CTH: variants seen among roughly 807,000 people sequenced by gnomAD.
CTH encodes the protein cystathionase (cystathionine gamma-lyase).
Under a neutral mutation model 50.6 loss-of-function variants are expected in CTH, and 41 were observed. The ratio of observed to expected loss-of-function variants is 0.81; its 90% confidence interval spans 0.63 to 1.05. The LOEUF (loss-of-function observed/expected upper bound fraction) is 1.05. CTH is among the 50% of genes least tolerant of loss of function. The probability of loss-of-function intolerance (pLI) is 0.00; values close to 1 mark genes in which losing one functional copy is unlikely to be tolerated. For missense variants in CTH, 470 were observed against 492.6 expected (o/e 0.95, Z 0.43); for synonymous variants, 156 against 168.9 (o/e 0.92, Z 0.59).
intron 5 of CTH, among the ~76,000 whole-genome samples, chr1:70,426,962 C>A (rs1170675336): frequency 6.6e-6 from 1 of 152,154 alleles, no homozygotes; most frequent in Non-Finnish European, 1.5e-5. Context: ...TAACATAGGT[C>A]TAGTTTTTCT....
chr1:70,437,606 C>T (rs1684624970), intron 10 of CTH, among the ~76,000 whole-genome samples: 1 of 152,108 alleles, frequency 6.6e-6, no homozygotes, highest in South Asian at 2.1e-4. Flanking sequence ...GACCTGAGTT[C>T]TTATTTCTAC....
chr1:70,420,703 G>C (rs1034719188), intron 3 of CTH, among the ~76,000 whole-genome samples: 1 of 152,012 alleles, frequency 6.6e-6, no homozygotes, highest in Non-Finnish European at 1.5e-5. Flanking sequence ...ACAATGTTTC[G>C]TATTTTATCT....
intron 1 of CTH, among the ~76,000 whole-genome samples, 171 bp from the exon 2 acceptor site, chr1:70,415,785 A>G (rs1684077338): frequency 6.6e-6 from 1 of 152,232 alleles, no homozygotes; most frequent in Non-Finnish European, 1.5e-5. Flanking sequence ...GTTTGACTTC[A>G]GAGCATCTTG....
At position 70,435,031 on chromosome 1, in the gene CTH, A is replaced by G. The variant is rs375488005; in HGVS notation, c.1000-94A>G. 7 of 1,190,836 alleles carry G rather than the reference A, an allele frequency of 5.9e-6. No individual in the cohort carries two copies. The East Asian group carries it at 1.6e-4, about 27-fold the overall frequency. 73.8% of individuals were successfully genotyped at this position (1,190,836 alleles called of 1,614,324 possible). On this transcript the variant is annotated intron_variant, in intron 9 of 11. Transcript: ENST00000370938. ...CTCCCAAAGTGCTGGGATTACAGGC[A>G]TGAGCCACTGTGCCTGGCCTAAAAA...
Position 70,439,429 on chromosome 1 carries a change from T to G in CTH, c.*302T>G, listed in dbSNP as rs1684671365. 1 of 368,560 alleles carries G rather than the reference T, an allele frequency of 2.7e-6. No homozygotes were observed. Among genetic ancestry groups the G allele is most frequent in the Non-Finnish European group, 4.9e-6 (1 of 202,410 alleles). 22.8% of individuals were successfully genotyped at this position (368,560 alleles called of 1,614,324 possible). A position where few individuals can be genotyped will look rare whatever the true frequency, so the allele number is the denominator to read the frequency against. ...ATGTTCTTTTTTCATGTCTAAGATT[T>G]ATTTTGATCATGTTTATAATATAAT... On this transcript the variant is annotated 3_prime_UTR_variant, in exon 12 of 12. Coordinates refer to ENST00000370938, the MANE Select transcript of CTH (RefSeq NM_001902.6).
At chr1:70,427,429 G>A (rs370366936) in intron 5 of CTH, among the ~76,000 whole-genome samples, 1 of 152,162 alleles carries the variant, frequency 6.6e-6, no homozygotes, top group South Asian at 2.1e-4. Flanking sequence ...TATAAAGTAC[G>A]TAGCATGATT....
At chr1:70,437,939 A>G (rs1684632173) in intron 10 of CTH, among the ~76,000 whole-genome samples, 1 of 152,096 alleles carries the variant, frequency 6.6e-6, no homozygotes, top group African/African-American at 2.4e-5. Flanking sequence ...TTTTGTCTAT[A>G]CTTGTTTGGC....
At chr1:70,429,006 A>G (rs1684408046) in intron 5 of CTH, among the ~76,000 whole-genome samples, 1 of 152,028 alleles carries the variant, frequency 6.6e-6, no homozygotes, top group East Asian at 1.9e-4. Context: ...CTGCAGCCTG[A>G]AACTCCTGAT....
At chr1:70,420,416 C>A (rs1684189573) in intron 3 of CTH, among the ~76,000 whole-genome samples, 1 of 152,134 alleles carries the variant, frequency 6.6e-6, no homozygotes, top group Non-Finnish European at 1.5e-5. Flanking sequence ...CAATCTAGAT[C>A]CCTCGAAAGT....
At chr1:70,438,564 AG>A in intron 10 of CTH, 123 bp from the exon 11 acceptor site, 1 of 981,864 alleles carries the variant, frequency 1.0e-6, no homozygotes. Flanking sequence ...TGTGAATTAT[AG>A]GGGTATGCAA....
At position 70,421,101 on chromosome 1, in the gene CTH, T is replaced by C. The variant is rs138466200; in HGVS notation, c.347-465T>C. On this transcript the variant is annotated intron_variant, in intron 3 of 11. Coordinates refer to ENST00000370938, the MANE Select transcript of CTH (RefSeq NM_001902.6). ...GATTTATATTGTCTCATTTTATCGA[T>C]TAAAACTTTCAGAACTACATAACAA... Among the ~76,000 whole-genome samples, 1,405 of 152,314 alleles carry C rather than the reference T, an allele frequency of 9.2e-3. 14 individuals carry two copies. The highest frequency in any genetic ancestry group is 0.014 in the Middle Eastern group (4 of 294).
intron 3 of CTH, among the ~76,000 whole-genome samples, chr1:70,418,979 C>A (rs1201114953): frequency 8.7e-6 from 1 of 115,218 alleles, no homozygotes; most frequent in African/African-American, 3.3e-5. Context: ...CCCCCCTCCC[C>A]CCACCCCACA....
chr1:70,436,436 C>A (rs1409850325), intron 10 of CTH, among the ~76,000 whole-genome samples: 3 of 152,134 alleles, frequency 2.0e-5, no homozygotes, highest in African/African-American at 7.2e-5. Context: ...GCTACTATGA[C>A]CATATGTTGT....
Position 70,438,709 on chromosome 1 carries a change from A to G in CTH, c.1074A>G (p.Ser358=). ...TCAGGGCAATCATGACTCATGCATC[A>G]GTTCTTAAGAATGACAGAGATGTCC... ...AELPAIMTHA[S]VLKNDRDVLG... Residue 358 remains serine (S), a synonymous_variant, in exon 11 of 12, where the codon TCA becomes TCG. Coordinates refer to ENST00000370938, the MANE Select transcript of CTH (RefSeq NM_001902.6). 1 of 1,614,138 alleles carries G rather than the reference A, an allele frequency of 6.2e-7. No homozygotes were observed. Among genetic ancestry groups the G allele is most frequent in the South Asian group, 1.1e-5 (1 of 91,082 alleles).
intron 3 of CTH, among the ~76,000 whole-genome samples, chr1:70,418,500 C>A (rs1684144194): frequency 6.6e-6 from 1 of 152,126 alleles, no homozygotes; most frequent in East Asian, 1.9e-4. Flanking sequence ...TCCTCCCTCT[C>A]CAGCCTCCCA....
At chr1:70,422,241 T>C (rs544484565) in intron 4 of CTH, among the ~76,000 whole-genome samples, 49 of 152,176 alleles carry the variant, frequency 3.2e-4, no homozygotes, top group Non-Finnish European at 6.2e-4. Context: ...ATGTGGAGAA[T>C]AGGCCACAAG....
chr1:70,411,608 T>C, intron 1 of CTH, 25 bp downstream of exon 1: 3 of 1,606,866 alleles, frequency 1.9e-6, no homozygotes, highest in Non-Finnish European at 2.6e-6. Flanking sequence ...TCTGGGGCTG[T>C]CCACAGTTGG....
chr1:70,424,131 G>A (rs1483627370), intron 4 of CTH, among the ~76,000 whole-genome samples, 154 bp from the exon 5 acceptor site: 1 of 152,174 alleles, frequency 6.6e-6, no homozygotes, highest in Non-Finnish European at 1.5e-5. Context: ...TCAGAAATTT[G>A]CAGGTAAGGC....
intron 5 of CTH, among the ~76,000 whole-genome samples, chr1:70,429,492 C>A (rs1489941121): frequency 2.6e-5 from 4 of 152,090 alleles, no homozygotes; most frequent in Non-Finnish European, 5.9e-5. Context: ...AATTTAGAGT[C>A]CTGTCAGCAA....
Sources: gnomAD v4.1 joint callset for allele counts (sites outside exome capture counted in the v4.1 genomes callset) on GRCh38, gnomAD v4.1.1 for gene constraint, MANE v1.5 for transcripts, NCBI Gene and HGNC (gene_info 2026-07-23, HGNC 2026-07-21) for gene names.